LRRC4C: variants seen among roughly 807,000 people sequenced by gnomAD.
The protein encoded by LRRC4C is leucine-rich repeat-containing protein 4C.
A neutral mutation model predicts 33.6 loss-of-function variants in LRRC4C; 5 were observed. That is an observed-to-expected ratio of 0.15 (90% CI 0.08 to 0.31). LRRC4C has a LOEUF of 0.31. Among genes scored for constraint, LRRC4C ranks in the 10% least tolerant of loss-of-function variants. The pLI is 1.00. For missense variants in LRRC4C, 560 were observed against 796.7 expected, an observed-to-expected ratio of 0.70 and a Z score of 3.58; for synonymous variants, 329 against 302.0, an observed-to-expected ratio of 1.09 and a Z score of -0.93.
At chr11:40,518,422 C>T (rs575292995) in intron 3 of LRRC4C, among the ~76,000 whole-genome samples, 2 of 152,206 alleles carry the variant, frequency 1.3e-5, no homozygotes, top group South Asian at 4.1e-4. Context: ...AAGAAAAAAA[C>T]AACCCCATCA....
At chr11:41,025,944 G>T (rs1232805439) in intron 1 of LRRC4C, among the ~76,000 whole-genome samples, 1 of 151,662 alleles carries the variant, frequency 6.6e-6, no homozygotes, top group East Asian at 1.9e-4. Context: ...CAGAAAAAAA[G>T]ATTCCTTTCA....
At chr11:40,525,746 G>A (rs1255652207) in intron 3 of LRRC4C, among the ~76,000 whole-genome samples, 1 of 151,392 alleles carries the variant, frequency 6.6e-6, no homozygotes, top group Non-Finnish European at 1.5e-5. Context: ...AGATTGGGAA[G>A]CTGATTTTAA....
chr11:40,131,958 A>C (rs2134824809), intron 6 of LRRC4C, among the ~76,000 whole-genome samples: 1 of 152,308 alleles, frequency 6.6e-6, no homozygotes, highest in Middle Eastern at 3.4e-3. Context: ...TGGGTTCCTA[A>C]GAAGTTTATT....
At chr11:40,656,460 A>T (rs1943117130) in intron 2 of LRRC4C, among the ~76,000 whole-genome samples, 2 of 144,330 alleles carry the variant, frequency 1.4e-5, no homozygotes, top group South Asian at 4.6e-4. Flanking sequence ...CTTGTATTAC[A>T]GAAGTGGGTC....
intron 4 of LRRC4C, among the ~76,000 whole-genome samples, chr11:40,310,988 T>C (rs1945278140): frequency 6.6e-6 from 1 of 152,224 alleles, no homozygotes; most frequent in African/African-American, 2.4e-5. Flanking sequence ...GTTCAAATTA[T>C]AGTTTTTAAA....
intron 6 of LRRC4C, among the ~76,000 whole-genome samples, chr11:40,127,295 T>C (rs574958134): frequency 1.3e-5 from 2 of 150,580 alleles, no homozygotes; most frequent in Non-Finnish European, 3.0e-5. Flanking sequence ...AAAAAAAAAA[T>C]ATAGAGATTT....
At chr11:40,714,577 C>T (rs1946618955) in intron 2 of LRRC4C, among the ~76,000 whole-genome samples, 1 of 152,120 alleles carries the variant, frequency 6.6e-6, no homozygotes, top group South Asian at 2.1e-4. Flanking sequence ...GAAACTTGTC[C>T]TGCTAATCCT....
At chr11:40,514,385 T>A (rs1955473890) in intron 3 of LRRC4C, among the ~76,000 whole-genome samples, 1 of 152,322 alleles carries the variant, frequency 6.6e-6, no homozygotes, top group East Asian at 1.9e-4. Flanking sequence ...CTATAATTTA[T>A]TAGCTCTATG....
chr11:41,245,629 G>C (rs1948421496), intron 1 of LRRC4C, among the ~76,000 whole-genome samples: 1 of 152,236 alleles, frequency 6.6e-6, no homozygotes, highest in Non-Finnish European at 1.5e-5. Flanking sequence ...CTGGGCTCCT[G>C]AAAGGGCTGC....
intron 1 of LRRC4C, among the ~76,000 whole-genome samples, chr11:41,221,683 A>G (rs2136389487): frequency 6.6e-6 from 1 of 152,340 alleles, no homozygotes; most frequent in Admixed American, 6.5e-5. Flanking sequence ...GGATAAAGAC[A>G]TTCTATATTG....
rs528184673 is a variant in LRRC4C, at chr11:40,602,122, G to C, written c.-270+46020C>G. 2.0e-5 allele frequency among the ~76,000 whole-genome samples: 3 copies of C among 149,316 alleles called. No homozygotes were observed. The East Asian group carries it at 5.9e-4, about 29-fold the overall frequency. ...AGGCAGTAGAATCACTTGAACCTGG[G>C]AGGCAGAGATTGCAGTGAGCTGAGA... On this transcript the variant is annotated intron_variant, in intron 3 of 6. Coordinates refer to ENST00000528697, the MANE Select transcript of LRRC4C (RefSeq NM_001258419.2).
intron 1 of LRRC4C, among the ~76,000 whole-genome samples, chr11:41,077,074 C>T (rs762305536): frequency 4.6e-5 from 7 of 152,214 alleles, no homozygotes; most frequent in Non-Finnish European, 1.0e-4. Context: ...GGGGTGGGCT[C>T]ACATGCCCTT....
At chr11:41,055,833 G>A (rs1270378320) in intron 1 of LRRC4C, among the ~76,000 whole-genome samples, 1 of 152,112 alleles carries the variant, frequency 6.6e-6, no homozygotes, top group Non-Finnish European at 1.5e-5. Context: ...CACATTAGGA[G>A]AGAGGTGTTA....
At chr11:40,855,270 G>A (rs1177889307) in intron 2 of LRRC4C, among the ~76,000 whole-genome samples, 1 of 152,104 alleles carries the variant, frequency 6.6e-6, no homozygotes, top group African/African-American at 2.4e-5. Flanking sequence ...TTTAGTAAAT[G>A]CATTTTACCT....
intron 1 of LRRC4C, among the ~76,000 whole-genome samples, chr11:40,984,074 G>T (rs1037614855): frequency 2.0e-5 from 3 of 151,514 alleles, no homozygotes; most frequent in Non-Finnish European, 4.4e-5. Context: ...ATATTTAATT[G>T]GATTATTGGG....
rs375987229 is a variant in LRRC4C at position 40,115,089 on chromosome 11, G to A, written c.1204C>T (p.Arg402Trp). The change falls in exon 7 of 7, where the codon CGG becomes TGG. Residue 402 changes from arginine to tryptophan, a missense_variant. Arg to Trp is a moderately radical substitution (Grantham distance 101, BLOSUM62 -3). This residue lies in a region of LRRC4C where 455 missense variants were observed against 643.8 expected (regional missense o/e 0.71). Coordinates refer to ENST00000528697, the MANE Select transcript of LRRC4C (RefSeq NM_001258419.2). The surrounding 1 kb of genome is among the most constrained non-coding windows in gnomAD (Gnocchi z 6.7). The stretch of plus-strand genomic sequence containing the variant: ...GTACCATCACTGAGCACAGCTATCC[G>A]CACTTTGTACGCCCCATGTGTCATG... The part of the protein sequence containing the change: ...TVMTHGAYKV[R>W]IAVLSDGTLN... The A allele has an allele frequency of 6.2e-6, 10 of 1,614,158 alleles. No homozygotes were observed. The highest frequency in any genetic ancestry group is 2.2e-5 in the South Asian group (2 of 91,084).
intron 1 of LRRC4C, among the ~76,000 whole-genome samples, chr11:41,121,932 C>A (rs201087552): frequency 1.1e-4 from 17 of 148,942 alleles, no homozygotes; most frequent in Non-Finnish European, 1.2e-4. Flanking sequence ...ATTAGCAGTA[C>A]AAAAAAAAAA....
rs537231116 is a variant in LRRC4C at position 40,692,691 on chromosome 11, T to C, written c.-406-44413A>G. On this transcript the variant is annotated intron_variant, in intron 2 of 6. Transcript: ENST00000528697. ...AGGCCAATTTTTTGCAGATAATTGCTTTATGCAACAGTCTATTGTACCAAA... is the reference window on the plus strand; with the variant it reads ...AGGCCAATTTTTTGCAGATAATTGCCTTATGCAACAGTCTATTGTACCAAA... Among the ~76,000 whole-genome samples the C allele has an allele frequency of 6.6e-5, 10 of 152,248 alleles. No homozygotes were observed. The East Asian group carries it at 1.9e-3, about 29-fold the overall frequency.
intron 2 of LRRC4C, among the ~76,000 whole-genome samples, chr11:40,766,150 T>C (rs772299821): frequency 6.2e-4 from 92 of 148,354 alleles, no homozygotes; most frequent in Non-Finnish European, 1.2e-3. Context: ...GGAAACCTCA[T>C]AGGCCAGGAG....
Sources: gnomAD v4.1 joint callset for allele counts (sites outside exome capture counted in the v4.1 genomes callset) on GRCh38, gnomAD v4.1.1 for gene constraint, gnomAD v4.1.1 regional missense constraint, Gnocchi (gnomAD v3.1) non-coding constraint, MANE v1.5 for transcripts, NCBI Gene and HGNC (gene_info 2026-07-23, HGNC 2026-07-21) for gene names.